Variants in ABTB2 observed in about 807,000 individuals in gnomAD.
ABTB2 encodes ankyrin repeat and BTB domain containing 2.
ABTB2 carries 56 observed loss-of-function variants against 104.1 expected under a neutral mutation model. The observed-to-expected ratio is 0.54, with a 90% confidence interval of 0.43 to 0.67. The LOEUF is 0.67. Ranked by LOEUF, ABTB2 falls within the 30% of genes least tolerant of loss-of-function variation. The pLI is 0.00. For missense variants in ABTB2, 1,279 were observed against 1,407.7 expected (o/e 0.91, Z 1.46); for synonymous variants, 606 against 608.2 (o/e 1.00, Z 0.05).
At position 34,357,426 on chromosome 11, in the gene ABTB2, G is replaced by A; in HGVS notation, c.158C>T (p.Ala53Val). 1 of 1,548,888 alleles carries A rather than the reference G, an allele frequency of 6.5e-7. No individual in the cohort carries two copies. Among genetic ancestry groups the A allele is most frequent in the Non-Finnish European group, 8.7e-7 (1 of 1,146,678 alleles). Reference sequence around the variant, plus strand: ...CATGGAGCCGGAGTAGCACCACCAGGCCGCCCCGCGGTGCTGCTGCGCCGA... The same window carrying A: ...CATGGAGCCGGAGTAGCACCACCAGACCGCCCCGCGGTGCTGCTGCGCCGA... ...NSSAQQHRGA[A>V]WWCYSGSMNS... The change falls in exon 1 of 17, where the codon GCC (alanine) becomes GTC (valine). Residue 53 changes from alanine (A) to valine (V), a missense_variant. Ala to Val is a moderately conservative substitution (Grantham distance 64, BLOSUM62 0). Transcript: ENST00000435224.
rs535528021 is a variant in ABTB2, at chr11:34,234,632, G to C, written c.884-29942C>G. Among the ~76,000 whole-genome samples the C allele has an allele frequency of 1.3e-4, 20 of 152,310 alleles. No homozygotes were observed. In the East Asian group the frequency reaches 3.3e-3, roughly 25 times the overall value. ...CCGCCTCTCACAAAACCTAGGTAAA[G>C]TGCTTTGTGCGGAATCTTTTCCTTA... is the stretch of plus-strand genomic sequence containing the variant. On this transcript the variant is annotated intron_variant, in intron 1 of 16. Coordinates refer to ENST00000435224, the MANE Select transcript of ABTB2 (RefSeq NM_145804.3).
At chr11:34,223,956 C>T (rs1321879829) in intron 1 of ABTB2, among the ~76,000 whole-genome samples, 4 of 152,172 alleles carry the variant, frequency 2.6e-5, no homozygotes, top group Non-Finnish European at 5.9e-5. Flanking sequence ...CAGGACCTCA[C>T]GTACAACTTC....
At chr11:34,286,705 A>G (rs1026116824) in intron 1 of ABTB2, among the ~76,000 whole-genome samples, 1 of 152,152 alleles carries the variant, frequency 6.6e-6, no homozygotes, top group Non-Finnish European at 1.5e-5. Context: ...CTCACCATCC[A>G]TCACCATTTT....
At chr11:34,291,640 C>T (rs529941102) in intron 1 of ABTB2, among the ~76,000 whole-genome samples, 8 of 152,016 alleles carry the variant, frequency 5.3e-5, no homozygotes, top group African/African-American at 1.2e-4. Flanking sequence ...GGATTACAGG[C>T]GTCTGCCACC....
chr11:34,167,198 G>T, intron 7 of ABTB2, 61 bp downstream of exon 7: 1 of 1,474,536 alleles, frequency 6.8e-7, no homozygotes, highest in Non-Finnish European at 9.3e-7. Flanking sequence ...CTGGGGCTGT[G>T]CTTGGGGCCC....
Position 34,152,597 on chromosome 11 carries a change from G to A in ABTB2, c.2881-13C>T. ...GGGCATTGTGGATCTGTAGGGCAGA[G>A]AGAGGAGGGGTGAAGCCCATCGCCT... On this transcript the variant is annotated splice_polypyrimidine_tract_variant and intron_variant, in intron 16 of 16. Transcript: ENST00000435224. The A allele has an allele frequency of 2.5e-6, 4 of 1,593,564 alleles. No homozygotes were observed. The highest frequency in any genetic ancestry group is 3.4e-6 in the Non-Finnish European group (4 of 1,164,342).
intron 3 of ABTB2, among the ~76,000 whole-genome samples, chr11:34,182,683 A>G (rs1054529427): frequency 6.6e-6 from 1 of 151,920 alleles, no homozygotes; most frequent in Admixed American, 6.6e-5. Flanking sequence ...GGAGCCTGAG[A>G]GTTTCTGTTA....
At chr11:34,290,558 G>A (rs1181827925) in intron 1 of ABTB2, among the ~76,000 whole-genome samples, 2 of 152,164 alleles carry the variant, frequency 1.3e-5, no homozygotes, top group Non-Finnish European at 2.9e-5. Context: ...AAAAACCAGA[G>A]TGCCAAGTGC....
At chr11:34,331,641 C>T (rs1158023727) in intron 1 of ABTB2, among the ~76,000 whole-genome samples, 9 of 152,212 alleles carry the variant, frequency 5.9e-5, no homozygotes, top group African/African-American at 1.9e-4. Context: ...AGGTTACTCT[C>T]TTACTCATAA....
intron 1 of ABTB2, among the ~76,000 whole-genome samples, chr11:34,342,683 GGTATCA>G: frequency 6.6e-6 from 1 of 152,250 alleles, no homozygotes; most frequent in South Asian, 2.1e-4. Context: ...GTCTGTGCTG[GGTATCA>G]GAGTTGAGAA....
At chr11:34,166,898 G>A (rs1852809004) in intron 7 of ABTB2, among the ~76,000 whole-genome samples, 1 of 152,258 alleles carries the variant, frequency 6.6e-6, no homozygotes, top group African/African-American at 2.4e-5. Context: ...AATTCACGAG[G>A]GAGGAGAAAA....
chr11:34,324,490 T>C (rs1855043909), intron 1 of ABTB2, among the ~76,000 whole-genome samples: 2 of 152,200 alleles, frequency 1.3e-5, no homozygotes, highest in African/African-American at 4.8e-5. Context: ...CAGTAAGTCA[T>C]GCTGTTAAAA....
chr11:34,204,832 G>T, intron 1 of ABTB2, 142 bp from the exon 2 acceptor site: 1 of 943,920 alleles, frequency 1.1e-6, no homozygotes. Context: ...TCTGAGCCTT[G>T]AGGACTTGAG....
At chr11:34,334,178 G>A (rs1391616742) in intron 1 of ABTB2, among the ~76,000 whole-genome samples, 1 of 152,096 alleles carries the variant, frequency 6.6e-6, no homozygotes, top group Non-Finnish European at 1.5e-5. Flanking sequence ...TGCTCCTAAG[G>A]TGACTCTAAT....
At chr11:34,237,097 AC>A (rs1332665230) in intron 1 of ABTB2, among the ~76,000 whole-genome samples, 1 of 151,908 alleles carries the variant, frequency 6.6e-6, no homozygotes, top group Non-Finnish European at 1.5e-5. Flanking sequence ...AAGTTACCGA[AC>A]CCCTCTGTGT....
At chr11:34,165,560 A>T (rs1325007052) in intron 7 of ABTB2, among the ~76,000 whole-genome samples, 1 of 152,222 alleles carries the variant, frequency 6.6e-6, no homozygotes, top group East Asian at 1.9e-4. Flanking sequence ...CAACTCCATT[A>T]TTGTGGTCCA....
At chr11:34,178,864 T>C (rs1322161633) in intron 3 of ABTB2, among the ~76,000 whole-genome samples, 1 of 152,054 alleles carries the variant, frequency 6.6e-6, no homozygotes, top group Non-Finnish European at 1.5e-5. Flanking sequence ...TTACTGGAAG[T>C]CAGGAGTTTG....
At chr11:34,191,652 G>A (rs2133032479) in intron 3 of ABTB2, among the ~76,000 whole-genome samples, 1 of 152,286 alleles carries the variant, frequency 6.6e-6, no homozygotes, top group Non-Finnish European at 1.5e-5. Flanking sequence ...ACCCTCTGCT[G>A]CCCTTATTCT....
chr11:34,242,673 GA>G, intron 1 of ABTB2: 1 of 152,368 alleles, frequency 6.6e-6, no homozygotes, highest in Non-Finnish European at 1.5e-5. Flanking sequence ...GGATTGTGGG[GA>G]AAAGAATGAC....
Sources: gnomAD v4.1 joint callset for allele counts (sites outside exome capture counted in the v4.1 genomes callset) on GRCh38, gnomAD v4.1.1 for gene constraint, MANE v1.5 for transcripts, NCBI Gene and HGNC (gene_info 2026-07-23, HGNC 2026-07-21) for gene names.